Variants in JAZF1 observed in about 807,000 individuals in gnomAD.
The protein encoded by JAZF1 is JAZF zinc finger 1.
In JAZF1, 8 loss-of-function variants were observed where a neutral mutation model predicts 26.4. The ratio of observed to expected loss-of-function variants is 0.30; its 90% CI spans 0.18 to 0.55. JAZF1 has a LOEUF of 0.55. Among genes scored for constraint, JAZF1 ranks in the 20% least tolerant of loss-of-function variants. JAZF1 has a pLI of 0.94. For missense variants in JAZF1, 199 were observed against 322.0 expected, an observed-to-expected ratio of 0.62 and a Z score of 2.92; for synonymous variants, 126 against 122.3, an observed-to-expected ratio of 1.03 and a Z score of -0.20.
intron 2 of JAZF1, among the ~76,000 whole-genome samples, chr7:27,900,266 C>T (rs72598551): frequency 0.18 from 27,969 of 152,188 alleles, 3,278 homozygotes; most frequent in East Asian, 0.46. Context: ...TTGTTAAACA[C>T]AGCCGTTATT....
intron 1 of JAZF1, chr7:28,020,878 C>T (rs1019194008): frequency 2.0e-5 from 7 of 350,244 alleles, no homozygotes; most frequent in African/African-American, 4.3e-5. Context: ...AAATACCAAC[C>T]GAACCACTCC....
At position 27,993,881 on chromosome 7, in the gene JAZF1, G is replaced by A. The variant is rs549821648; in HGVS notation, c.116-1900C>T. On this transcript the variant is annotated intron_variant, in intron 1 of 4. Coordinates refer to ENST00000283928, the MANE Select transcript of JAZF1 (RefSeq NM_175061.4). Reference sequence around the variant, plus strand: ...TATTATTTTGAAAGAAAAGGGCACCGTTAGGAGTCTAAAATTTGTGTGTAA... The same window carrying A: ...TATTATTTTGAAAGAAAAGGGCACCATTAGGAGTCTAAAATTTGTGTGTAA... Among the ~76,000 whole-genome samples, 5 of 152,224 alleles carry A rather than the reference G, an allele frequency of 3.3e-5. No homozygotes were observed. The East Asian group carries it at 7.7e-4, about 23-fold the overall frequency.
intron 1 of JAZF1, among the ~76,000 whole-genome samples, chr7:28,018,292 G>A (rs1230020701): frequency 1.3e-5 from 2 of 152,218 alleles, no homozygotes; most frequent in Non-Finnish European, 2.9e-5. Context: ...TCCAGTTAGT[G>A]TGGGGATGAG....
chr7:27,895,546 A>G (rs576496742), intron 2 of JAZF1, 130 bp from the exon 3 acceptor site: 6 of 507,498 alleles, frequency 1.2e-5, no homozygotes, highest in African/African-American at 5.9e-5. Flanking sequence ...CCAATCTCAA[A>G]AACTCACAAC....
rs750836941 is a variant in JAZF1, at chr7:28,180,447, C to T, written c.115+16G>A. ...TCCGCGCGCCTGGCACCCCCGCCCA[C>T]CCCCGGGCCATTTACCGATGTGGTT... is the stretch of plus-strand genomic sequence containing the variant. On this transcript the variant is annotated intron_variant, in intron 1 of 4. Transcript: ENST00000283928. 3.7e-6 allele frequency: 6 copies of T among 1,602,020 alleles called. No homozygotes were observed. The highest frequency in any genetic ancestry group is 3.4e-6 in the Non-Finnish European group (4 of 1,171,566).
At chr7:28,082,709 A>T (rs1391475801) in intron 1 of JAZF1, among the ~76,000 whole-genome samples, 1 of 151,586 alleles carries the variant, frequency 6.6e-6, no homozygotes, top group Non-Finnish European at 1.5e-5. Context: ...CTGGAACCTT[A>T]CCCCTCACAT....
At chr7:27,882,065 G>A (rs1420143804) in intron 3 of JAZF1, among the ~76,000 whole-genome samples, 6 of 152,182 alleles carry the variant, frequency 3.9e-5, no homozygotes, top group Admixed American at 2.6e-4. Context: ...GTCAGGGACC[G>A]ACTAATTCAT....
chr7:28,161,418 T>TAGTCCATAGTC (rs1186878244), intron 1 of JAZF1, among the ~76,000 whole-genome samples: 2 of 152,174 alleles, frequency 1.3e-5, no homozygotes, highest in African/African-American at 4.8e-5. Flanking sequence ...AAATGGAGGC[T>TAGTCCATAGTC]ACAGGTTGAA....
chr7:27,909,000 A>ATTC (rs1233967958), intron 2 of JAZF1, among the ~76,000 whole-genome samples: 1,515 of 63,102 alleles, frequency 0.024, 30 homozygotes, highest in African/African-American at 0.077. Context: ...ACACTTGAAT[A>ATTC]ATATTCATTC....
chr7:27,952,927 C>T (rs1440636684), intron 2 of JAZF1, among the ~76,000 whole-genome samples: 1 of 152,194 alleles, frequency 6.6e-6, no homozygotes, highest in Admixed American at 6.5e-5. Flanking sequence ...CCAAGTGGAA[C>T]CACATCCTGA....
chr7:28,160,617 A>G (rs1783269713), intron 1 of JAZF1, among the ~76,000 whole-genome samples: 1 of 152,190 alleles, frequency 6.6e-6, no homozygotes, highest in Non-Finnish European at 1.5e-5. Flanking sequence ...CCATCCCAGG[A>G]GGCCATTCCT....
intron 1 of JAZF1, among the ~76,000 whole-genome samples, chr7:28,171,696 AG>A (rs1398384422): frequency 6.6e-6 from 1 of 152,228 alleles, no homozygotes. Context: ...CAAACACTCT[AG>A]TTCATATTTC....
In JAZF1 at chr7:28,180,663, A is replaced by T; in HGVS notation, c.-86T>A. ...GAGGGAGGCCGGGTGGGGTGAGGAGAGGAGGGGCTGGGGGAGGGGGAGAGA... is the reference window on the plus strand; with the variant it reads ...GAGGGAGGCCGGGTGGGGTGAGGAGTGGAGGGGCTGGGGGAGGGGGAGAGA... On this transcript the variant is annotated 5_prime_UTR_variant, in exon 1 of 5. Transcript: ENST00000283928. 6 of 225,190 alleles carry T rather than the reference A, an allele frequency of 2.7e-5. No homozygotes were observed. Among genetic ancestry groups the T allele is most frequent in the Non-Finnish European group, 5.1e-5 (6 of 117,610 alleles). The allele number at this position is 225,190 out of a possible 1,614,324, so 13.9% of individuals were successfully genotyped here. A position where few individuals can be genotyped will look rare whatever the true frequency, so the allele number is the denominator to read the frequency against.
chr7:27,856,109 G>A (rs370023842), intron 3 of JAZF1, among the ~76,000 whole-genome samples: 2 of 152,166 alleles, frequency 1.3e-5, no homozygotes, highest in African/African-American at 2.4e-5. Flanking sequence ...GCGGACCCTC[G>A]TGGTGTGTGT....
intron 2 of JAZF1, among the ~76,000 whole-genome samples, chr7:27,912,216 GA>G (rs1173990675): frequency 6.6e-6 from 1 of 152,204 alleles, no homozygotes; most frequent in African/African-American, 2.4e-5. Context: ...TACCCGCTGT[GA>G]AGGGTACTTT....
intron 3 of JAZF1, among the ~76,000 whole-genome samples, chr7:27,854,286 G>A (rs913052226): frequency 2.6e-5 from 4 of 152,104 alleles, no homozygotes; most frequent in Admixed American, 6.5e-5. Flanking sequence ...TGGGTCTCCC[G>A]AATACAGTAC....
intron 3 of JAZF1, among the ~76,000 whole-genome samples, chr7:27,884,905 A>C (rs1783832064): frequency 6.6e-6 from 1 of 152,136 alleles, no homozygotes; most frequent in Admixed American, 6.6e-5. Context: ...TGTGGCCCCG[A>C]GGAACCTATA....
chr7:28,136,072 A>G (rs1033999274), intron 1 of JAZF1, among the ~76,000 whole-genome samples: 2 of 152,204 alleles, frequency 1.3e-5, no homozygotes, highest in Non-Finnish European at 2.9e-5. Flanking sequence ...AGCACTGCCA[A>G]TCTACAACGC....
Position 27,877,923 on chromosome 7 carries a change from G to A in JAZF1, c.385+17297C>T, listed in dbSNP as rs569710310. Among the ~76,000 whole-genome samples the A allele has an allele frequency of 1.1e-4, 16 of 152,076 alleles. No individual in the cohort carries two copies. The South Asian group carries it at 3.3e-3, about 32-fold the overall frequency. ...ACACTAAGTGCTTCACACCTAAGAT[G>A]GAATAACTTAAGTATGCAAAGGGGG... On this transcript the variant is annotated intron_variant, in intron 3 of 4. Coordinates refer to ENST00000283928, the MANE Select transcript of JAZF1 (RefSeq NM_175061.4).
Sources: allele counts gnomAD v4.1 joint callset (sites outside exome capture counted in the v4.1 genomes callset), GRCh38; gene constraint gnomAD v4.1.1; transcripts MANE v1.5; gene names NCBI Gene and HGNC (gene_info 2026-07-23, HGNC 2026-07-21).